Variants in NPAS3 observed in about 807,000 individuals in gnomAD.
NPAS3 encodes the protein neuronal PAS domain-containing protein 3.
In NPAS3, 14 loss-of-function variants were observed where a neutral mutation model predicts 73.1. The ratio of observed to expected loss-of-function variants is 0.19; its 90% CI spans 0.13 to 0.30. The LOEUF (loss-of-function observed/expected upper bound fraction) is 0.30. Among genes scored for constraint, NPAS3 ranks in the 10% least tolerant of loss-of-function variants. NPAS3 has a pLI of 1.00. For missense variants in NPAS3, 1,096 were observed against 1,250.0 expected, an observed-to-expected ratio of 0.88 and a Z score of 1.86; for synonymous variants, 620 against 541.5, an observed-to-expected ratio of 1.14 and a Z score of -2.01.
At chr14:33,620,273 T>C (rs1206635492) in intron 5 of NPAS3, among the ~76,000 whole-genome samples, 1 of 152,216 alleles carries the variant, frequency 6.6e-6, no homozygotes, top group Non-Finnish European at 1.5e-5. Flanking sequence ...CATGAAACTA[T>C]AGACAACCTT....
intron 4 of NPAS3, among the ~76,000 whole-genome samples, chr14:33,452,617 C>CA (rs1369809181): frequency 2.0e-5 from 3 of 150,870 alleles, no homozygotes; most frequent in Admixed American, 6.6e-5. Flanking sequence ...CTAAAAAATA[C>CA]AAAAAAAATT....
chr14:32,948,004 C>A (rs923813089), intron 1 of NPAS3, among the ~76,000 whole-genome samples: 1 of 152,108 alleles, frequency 6.6e-6, no homozygotes, highest in Non-Finnish European at 1.5e-5. Flanking sequence ...GCTACTATAA[C>A]CTGCAGAATG....
At chr14:33,684,045 A>C (rs2060015702) in intron 6 of NPAS3, among the ~76,000 whole-genome samples, 1 of 152,244 alleles carries the variant, frequency 6.6e-6, no homozygotes, top group South Asian at 2.1e-4. Context: ...TTTGTGGCCA[A>C]GATTAGAGGA....
At chr14:32,960,891 T>G (rs2036883166) in intron 1 of NPAS3, among the ~76,000 whole-genome samples, 1 of 152,224 alleles carries the variant, frequency 6.6e-6, no homozygotes, top group Non-Finnish European at 1.5e-5. Flanking sequence ...TTAGTTTTGT[T>G]TTCCTCAGCA....
intron 1 of NPAS3, among the ~76,000 whole-genome samples, chr14:33,002,112 G>A (rs149644340): frequency 8.1e-4 from 124 of 152,276 alleles, no homozygotes; most frequent in East Asian, 7.3e-3. Flanking sequence ...TACTTCACTT[G>A]TGTGTTTCAT....
At chr14:33,483,262 G>A (rs1207576790) in intron 4 of NPAS3, among the ~76,000 whole-genome samples, 1 of 152,080 alleles carries the variant, frequency 6.6e-6, no homozygotes, top group Non-Finnish European at 1.5e-5. Flanking sequence ...GTGTCCTGGT[G>A]GTCAGTTCCA....
At chr14:33,716,692 T>A (rs1479523010) in intron 6 of NPAS3, among the ~76,000 whole-genome samples, 3 of 152,192 alleles carry the variant, frequency 2.0e-5, no homozygotes, top group Non-Finnish European at 2.9e-5. Context: ...TTGCCTGTTC[T>A]AGATATGTCA....
chr14:32,944,526 G>T (rs544812984), intron 1 of NPAS3, among the ~76,000 whole-genome samples: 10 of 152,198 alleles, frequency 6.6e-5, no homozygotes, highest in African/African-American at 2.4e-4. Flanking sequence ...GTTTGCATTC[G>T]GTGATGTTAG....
At chr14:33,006,018 A>G (rs945979557) in intron 1 of NPAS3, among the ~76,000 whole-genome samples, 3 of 152,094 alleles carry the variant, frequency 2.0e-5, no homozygotes, top group Non-Finnish European at 4.4e-5. Flanking sequence ...GCGGGGAGCC[A>G]TTGACATTGA....
chr14:33,697,728 T>C (rs2060422824), intron 6 of NPAS3, among the ~76,000 whole-genome samples: 1 of 152,248 alleles, frequency 6.6e-6, no homozygotes, highest in African/African-American at 2.4e-5. Context: ...AATTATACAT[T>C]CATGTATCTT....
At position 33,642,083 on chromosome 14, in the gene NPAS3, A is replaced by G. The variant is rs576839013; in HGVS notation, c.559-34128A>G. Among the ~76,000 whole-genome samples, 5 of 152,280 alleles carry G rather than the reference A, an allele frequency of 3.3e-5. No homozygotes were observed. In the East Asian group the frequency reaches 7.7e-4, roughly 24 times the overall value. On this transcript the variant is annotated intron_variant, in intron 5 of 11. Coordinates refer to ENST00000356141, the Ensembl canonical transcript of NPAS3. ...AAATTGACCACAACTACAAAAGCCT[A>G]TTTATAATTCTATTTGATCACCATG...
intron 2 of NPAS3, among the ~76,000 whole-genome samples, chr14:33,175,519 G>T (rs555402214): frequency 4.6e-5 from 7 of 152,210 alleles, no homozygotes; most frequent in Middle Eastern, 6.8e-3. Context: ...TGTTAAAATG[G>T]TTATAGGAAA....
intron 1 of NPAS3, among the ~76,000 whole-genome samples, chr14:33,010,893 C>T (rs1395370616): frequency 6.7e-6 from 1 of 149,960 alleles, no homozygotes; most frequent in Non-Finnish European, 1.5e-5. Context: ...TAGGATTATG[C>T]CACTGTACTC....
chr14:33,539,186 C>T (rs1336245295), intron 4 of NPAS3, among the ~76,000 whole-genome samples: 1 of 152,006 alleles, frequency 6.6e-6, no homozygotes, highest in Non-Finnish European at 1.5e-5. Flanking sequence ...CAGATGGAAA[C>T]AGAGATGCCA....
intron 6 of NPAS3, among the ~76,000 whole-genome samples, chr14:33,723,477 G>T (rs2061172883): frequency 6.6e-6 from 1 of 151,974 alleles, no homozygotes; most frequent in Non-Finnish European, 1.5e-5. Flanking sequence ...AGGTTAATTG[G>T]GAGTAAACTC....
At chr14:33,215,128 A>G in intron 2 of NPAS3, 54 bp from the exon 3 acceptor site, 1 of 1,563,080 alleles carries the variant, frequency 6.4e-7, no homozygotes, top group Non-Finnish European at 8.7e-7. Context: ...CAGTATTTGA[A>G]TGATGACAGA....
intron 1 of NPAS3, among the ~76,000 whole-genome samples, chr14:32,939,732 C>T (rs2139035951): frequency 6.8e-6 from 1 of 147,732 alleles, no homozygotes; most frequent in Admixed American, 6.7e-5. Flanking sequence ...GGTGGGGGGC[C>T]GGGGATCCCC....
chr14:33,262,089 G>C (rs1020547027), intron 3 of NPAS3, among the ~76,000 whole-genome samples: 1 of 152,164 alleles, frequency 6.6e-6, no homozygotes, highest in South Asian at 2.1e-4. Flanking sequence ...GTATTCCAAA[G>C]ATATAAGTAG....
At chr14:33,062,254 G>A (rs561331053) in intron 2 of NPAS3, among the ~76,000 whole-genome samples, 2 of 148,386 alleles carry the variant, frequency 1.3e-5, no homozygotes, top group South Asian at 2.1e-4. Context: ...TGCTTTGCAA[G>A]AAGGAATGTG....
Sources: gnomAD v4.1 joint callset for allele counts (sites outside exome capture counted in the v4.1 genomes callset) on GRCh38, gnomAD v4.1.1 for gene constraint, MANE v1.5 for transcripts, NCBI Gene and HGNC (gene_info 2026-07-23, HGNC 2026-07-21) for gene names.